TMEM71: variants seen among roughly 807,000 people sequenced by gnomAD.
TMEM71 encodes transmembrane protein 71.
A neutral mutation model predicts 38.0 loss-of-function variants in TMEM71; 44 were observed. The ratio of observed to expected loss-of-function variants is 1.16; its 90% CI spans 0.91 to 1.49. The LOEUF is 1.49. Ranked by LOEUF, TMEM71 falls within the 40% of genes most tolerant of loss-of-function variation. TMEM71 has a pLI of 0.00. For synonymous variants in TMEM71, 133 were observed against 122.5 expected, an observed-to-expected ratio of 1.09 and a Z score of -0.56; for missense variants, 367 against 348.6, an observed-to-expected ratio of 1.05 and a Z score of -0.42.
intron 5 of TMEM71, among the ~76,000 whole-genome samples, chr8:132,743,578 A>G (rs1828169538): frequency 6.6e-6 from 1 of 152,086 alleles, no homozygotes; most frequent in Admixed American, 6.6e-5. Context: ...CACTTATTCA[A>G]TGTTTGAGTT....
chr8:132,749,138 T>A (rs886557805), intron 4 of TMEM71, among the ~76,000 whole-genome samples: 1 of 152,198 alleles, frequency 6.6e-6, no homozygotes, highest in Non-Finnish European at 1.5e-5. Flanking sequence ...GAGTAAGACT[T>A]TCCTGAAGGA....
At chr8:132,752,688 A>C (rs1828780556) in intron 3 of TMEM71, among the ~76,000 whole-genome samples, 1 of 151,656 alleles carries the variant, frequency 6.6e-6, no homozygotes, top group African/African-American at 2.4e-5. Context: ...TGTGCTATTC[A>C]TGCCTGTGAA....
At chr8:132,722,259 TAAATAAC>T (rs1826897994) in intron 6 of TMEM71, 144 bp from the exon 7 acceptor site, 1 of 642,882 alleles carries the variant, frequency 1.6e-6, no homozygotes, top group Admixed American at 3.0e-5. Flanking sequence ...CAATGTGTCA[TAAATAAC>T]AAGATAAAAT....
chr8:132,775,213 T>C, the TMEM71 span: 1 of 316,282 alleles, frequency 3.2e-6, no homozygotes, highest in East Asian at 5.1e-5. Context: ...TTTCCTCCAG[T>C]AACCAGAGCC....
At chr8:132,754,575 T>C (rs1441633772) in intron 3 of TMEM71, among the ~76,000 whole-genome samples, 1 of 152,204 alleles carries the variant, frequency 6.6e-6, no homozygotes, top group African/African-American at 2.4e-5. Context: ...ATAAACCTCA[T>C]AGATTTCTAT....
At chr8:132,766,180 T>C in the TMEM71 span, among the ~76,000 whole-genome samples, 3 of 152,138 alleles carry the variant, frequency 2.0e-5, no homozygotes, top group Non-Finnish European at 4.4e-5. Context: ...GTGAGGGACT[T>C]CCCTTTCTTG....
Position 132,722,035 on chromosome 8 carries a change from A to T in TMEM71, c.752+5T>A, listed in dbSNP as rs758969247. 6.2e-7 allele frequency: 1 copy of T among 1,612,536 alleles called. No homozygotes were observed. The highest frequency in any genetic ancestry group is 8.5e-7 in the Non-Finnish European group (1 of 1,178,510). Reference sequence around the variant, plus strand: ...ACCGCTGCATGAAAATAAAACGTGAATTACCTTGCACATGCAGAAATGATT... The same window carrying T: ...ACCGCTGCATGAAAATAAAACGTGATTTACCTTGCACATGCAGAAATGATT... On this transcript the variant is annotated splice_donor_5th_base_variant and intron_variant, in intron 7 of 9. Coordinates refer to ENST00000677595, the MANE Select transcript of TMEM71 (RefSeq NM_001382403.1).
At chr8:132,740,954 A>G (rs1001555061) in intron 5 of TMEM71, among the ~76,000 whole-genome samples, 2 of 152,236 alleles carry the variant, frequency 1.3e-5, no homozygotes, top group Non-Finnish European at 2.9e-5. Flanking sequence ...AGGAATGATG[A>G]CAACGCCACA....
intron 5 of TMEM71, among the ~76,000 whole-genome samples, chr8:132,735,570 T>C (rs1827702628): frequency 6.6e-6 from 1 of 152,206 alleles, no homozygotes; most frequent in Non-Finnish European, 1.5e-5. Context: ...TTACTGATTT[T>C]GGATGGAGGT....
chr8:132,717,007 T>A (rs1826569706), intron 7 of TMEM71, among the ~76,000 whole-genome samples: 1 of 152,220 alleles, frequency 6.6e-6, no homozygotes, highest in Non-Finnish European at 1.5e-5. Flanking sequence ...AGGCTCATGC[T>A]TTTCCACTTC....
At chr8:132,766,942 C>T in the TMEM71 span, among the ~76,000 whole-genome samples, 1 of 152,176 alleles carries the variant, frequency 6.6e-6, no homozygotes, top group Admixed American at 6.5e-5. Flanking sequence ...ACTTCTAAAA[C>T]ATCTTAGCCT....
At chr8:132,734,233 T>A (rs1827622147) in intron 5 of TMEM71, among the ~76,000 whole-genome samples, 1 of 152,024 alleles carries the variant, frequency 6.6e-6, no homozygotes, top group Non-Finnish European at 1.5e-5. Flanking sequence ...GTTGGGTATG[T>A]CTATTACCTT....
intron 5 of TMEM71, among the ~76,000 whole-genome samples, chr8:132,746,434 TATATAC>T (rs1216698207): frequency 1.7e-3 from 28 of 16,518 alleles, no homozygotes; most frequent in Admixed American, 0.016. Flanking sequence ...TATACATATA[TATATAC>T]ATATACATAT....
intron 4 of TMEM71, among the ~76,000 whole-genome samples, chr8:132,748,999 C>G (rs919777577): frequency 6.6e-6 from 1 of 152,158 alleles, no homozygotes; most frequent in Admixed American, 6.5e-5. Context: ...AGTTTGGAAT[C>G]AAATGGTAGT....
the TMEM71 span, among the ~76,000 whole-genome samples, chr8:132,768,871 G>A: frequency 6.6e-6 from 1 of 152,268 alleles, no homozygotes; most frequent in South Asian, 2.1e-4. Context: ...TGGCCAAGAG[G>A]CCAGACATTT....
chr8:132,732,445 G>C (rs1827510409), intron 5 of TMEM71, among the ~76,000 whole-genome samples: 1 of 152,150 alleles, frequency 6.6e-6, no homozygotes, highest in Admixed American at 6.5e-5. Context: ...AGCTAGACAA[G>C]AGCATGTGCA....
chr8:132,770,150 G>T, the TMEM71 span, among the ~76,000 whole-genome samples: 1 of 152,236 alleles, frequency 6.6e-6, no homozygotes, highest in South Asian at 2.1e-4. Context: ...GTGAATGTTA[G>T]GTCAATCTCT....
At chr8:132,747,907 A>G (rs1208922613) in intron 4 of TMEM71, among the ~76,000 whole-genome samples, 2 of 152,218 alleles carry the variant, frequency 1.3e-5, no homozygotes, top group African/African-American at 2.4e-5. Context: ...GCTACAGGGA[A>G]CAGATTAGTG....
rs1474963414 is a variant in TMEM71 at position 132,714,181 on chromosome 8, T to G, written c.787A>C (p.Thr263Pro). 6.2e-7 allele frequency: 1 copy of G among 1,612,818 alleles called. No homozygotes were observed. Among genetic ancestry groups the G allele is most frequent in the South Asian group, 1.1e-5 (1 of 91,034 alleles). Reference sequence around the variant, plus strand: ...GCTACAGTTATCATCAATGAGCATGTGAAGACACTGGCTAATATTTCTCCC... The same window carrying G: ...GCTACAGTTATCATCAATGAGCATGGGAAGACACTGGCTAATATTTCTCCC... ...FMGEILASVF[T>P]CSLMITVAYV... Residue 263 changes from threonine to proline, a missense_variant, in exon 8 of 10, where the codon ACA becomes CCA. Physicochemically the swap from Thr to Pro is conservative, Grantham distance 38. Transcript: ENST00000677595.
Sources: allele counts gnomAD v4.1 joint callset (sites outside exome capture counted in the v4.1 genomes callset), GRCh38; gene constraint gnomAD v4.1.1; transcripts MANE v1.5; gene names NCBI Gene and HGNC (gene_info 2026-07-23, HGNC 2026-07-21).